TUT4: variants seen among roughly 807,000 people sequenced by gnomAD.
The protein encoded by TUT4 is terminal uridylyltransferase 4.
Under a neutral mutation model 192.2 loss-of-function variants are expected in TUT4, and 36 were observed. The observed-to-expected ratio is 0.19, with a 90% CI of 0.14 to 0.25. The LOEUF is 0.25. TUT4 is among the 10% of genes least tolerant of loss of function. The probability of loss-of-function intolerance (pLI) is 1.00; values close to 1 mark genes in which losing one functional copy is unlikely to be tolerated. For missense variants in TUT4, 1,493 were observed against 1,957.2 expected (o/e 0.76, Z 4.47); for synonymous variants, 618 against 666.0 (o/e 0.93, Z 1.11).
At position 52,525,717 on chromosome 1, in the gene TUT4, A is replaced by G. The variant is rs1199124098; in HGVS notation, c.564T>C (p.Phe188=). 1 of 1,614,206 alleles carries G rather than the reference A, an allele frequency of 6.2e-7. No individual in the cohort carries two copies. The highest frequency in any genetic ancestry group is 8.5e-7 in the Non-Finnish European group (1 of 1,180,038). The change falls in exon 2 of 30, where the codon TTT becomes TTC. Residue 188 remains phenylalanine, a synonymous_variant. Transcript: ENST00000257177. ...QQIGKKIPSS[F]TSVDKVNIEA... ...CAATATTCACTTTGTCCACAGAAGTAAAGGAGCTTGGAATTTTTTTTCCAA... is the reference window on the plus strand; with the variant it reads ...CAATATTCACTTTGTCCACAGAAGTGAAGGAGCTTGGAATTTTTTTTCCAA...
intron 16 of TUT4, 58 bp downstream of exon 16, chr1:52,465,012 A>C: frequency 7.5e-7 from 1 of 1,336,748 alleles, no homozygotes; most frequent in Non-Finnish European, 1.0e-6. Flanking sequence ...ACAAAAATAA[A>C]CATAGAATCG....
intron 1 of TUT4, among the ~76,000 whole-genome samples, chr1:52,551,961 C>T (rs1689562114): frequency 1.3e-5 from 2 of 152,152 alleles, no homozygotes; most frequent in African/African-American, 4.8e-5. Flanking sequence ...TAAATGCATG[C>T]CAACAATACA....
chr1:52,504,400 C>T (rs1033815310), intron 4 of TUT4, among the ~76,000 whole-genome samples: 3 of 152,050 alleles, frequency 2.0e-5, no homozygotes, highest in Non-Finnish European at 4.4e-5. Context: ...GGGAGGCTGA[C>T]GCGGGTGGAT....
intron 25 of TUT4, 73 bp downstream of exon 25, chr1:52,438,147 G>C: frequency 8.4e-7 from 1 of 1,192,516 alleles, no homozygotes; most frequent in Non-Finnish European, 1.2e-6. Context: ...AAACATTTCT[G>C]AACATAATTA....
intron 2 of TUT4, among the ~76,000 whole-genome samples, chr1:52,520,371 C>T (rs1679918347): frequency 6.6e-6 from 1 of 152,150 alleles, no homozygotes; most frequent in Non-Finnish European, 1.5e-5. Context: ...ATACTGAAAA[C>T]ACAATGAAGG....
Position 52,423,932 on chromosome 1 carries a change from G to A in TUT4, c.*3C>T, listed in dbSNP as rs201233063. 104 of 1,612,714 alleles carry A rather than the reference G, an allele frequency of 6.4e-5. No homozygotes were observed. The Middle Eastern group carries it at 9.9e-4, about 15-fold the overall frequency. On this transcript the variant is annotated 3_prime_UTR_variant, in exon 30 of 30. Transcript: ENST00000257177. The stretch of plus-strand genomic sequence containing the variant: ...AGACCAGCTGAAAGAAAATGGACTC[G>A]CATTACTCCGACACGTTTCCTCTTG...
At chr1:52,503,091 A>C (rs1025184292) in intron 4 of TUT4, among the ~76,000 whole-genome samples, 1 of 152,228 alleles carries the variant, frequency 6.6e-6, no homozygotes, top group African/African-American at 2.4e-5. Context: ...ATACATAAGA[A>C]TACTGAGGCT....
At position 52,435,897 on chromosome 1, in the gene TUT4, C is replaced by CT. The variant is rs559072842; in HGVS notation, c.4163-433dup. ...GCACTGCAGCCTGGGCAACAAGAGT[C>CT]TGTCTCTCTCTATGTCTCTCTCTCT... On this transcript the variant is annotated intron_variant, in intron 26 of 29. Coordinates refer to ENST00000257177, the MANE Select transcript of TUT4 (RefSeq NM_001009881.3). Among the ~76,000 whole-genome samples, 841 of 151,990 alleles carry CT rather than the reference C, an allele frequency of 5.5e-3. 1 individual carries two copies. Among genetic ancestry groups the CT allele is most frequent in the Middle Eastern group, 0.014 (4 of 294 alleles).
At chr1:52,454,762 T>A (rs1165487793) in intron 20 of TUT4, among the ~76,000 whole-genome samples, 1 of 152,036 alleles carries the variant, frequency 6.6e-6, no homozygotes, top group Non-Finnish European at 1.5e-5. Context: ...AAAGACAACG[T>A]CAAGGGAATG....
chr1:52,527,465 G>A (rs1682112097), intron 1 of TUT4, among the ~76,000 whole-genome samples: 1 of 151,874 alleles, frequency 6.6e-6, no homozygotes, highest in South Asian at 2.1e-4. Context: ...AGAATTGCTT[G>A]AACCGGGACC....
intron 1 of TUT4, among the ~76,000 whole-genome samples, chr1:52,544,842 A>C (rs1307331024): frequency 1.3e-5 from 2 of 151,996 alleles, no homozygotes; most frequent in African/African-American, 4.8e-5. Flanking sequence ...GGATCACTTG[A>C]GGTCAGGAGT....
rs1663753097 is a variant in TUT4, at chr1:52,465,163, C to T, written c.2976G>A (p.Arg992=). 6.2e-7 allele frequency: 1 copy of T among 1,613,046 alleles called. No individual in the cohort carries two copies. Among genetic ancestry groups the T allele is most frequent in the African/African-American group, 1.3e-5 (1 of 74,928 alleles). Residue 992 remains arginine (R), a synonymous_variant, in exon 16 of 30, where the codon AGG becomes AGA. Coordinates refer to ENST00000257177, the MANE Select transcript of TUT4 (RefSeq NM_001009881.3). ...FIQKEYDEKA[R]LCLFGSSKNG... ...TCTTAGAAGAGCCAAATAAGCACAA[C>T]CTTGCCTTTTCTAAGCAAAGGAAAA... is the stretch of plus-strand genomic sequence containing the variant.
intron 28 of TUT4, 81 bp downstream of exon 28, chr1:52,430,932 C>A: frequency 6.9e-7 from 1 of 1,452,198 alleles, no homozygotes; most frequent in Non-Finnish European, 9.3e-7. Context: ...TGCTTTCCTT[C>A]TTTTTCCTCA....
chr1:52,471,537 C>T (rs747215670), intron 14 of TUT4, among the ~76,000 whole-genome samples: 3 of 152,184 alleles, frequency 2.0e-5, no homozygotes, highest in Non-Finnish European at 2.9e-5. Flanking sequence ...TCCAAGAACG[C>T]TGCAGTGATG....
intron 3 of TUT4, among the ~76,000 whole-genome samples, chr1:52,513,393 C>CAAAAAAAAAA (rs554170439): frequency 0.013 from 557 of 42,050 alleles, 63 homozygotes; most frequent in African/African-American, 0.056. Context: ...GACCCTGTCT[C>CAAAAAAAAAA]AAAAAAAAAA....
intron 20 of TUT4, among the ~76,000 whole-genome samples, chr1:52,458,120 G>T (rs1289584392): frequency 6.6e-6 from 1 of 152,046 alleles, no homozygotes; most frequent in African/African-American, 2.4e-5. Flanking sequence ...ATATTCAATG[G>T]TTCTATTCAT....
At chr1:52,508,972 T>C (rs1449889116) in intron 4 of TUT4, among the ~76,000 whole-genome samples, 1 of 152,222 alleles carries the variant, frequency 6.6e-6, no homozygotes, top group Non-Finnish European at 1.5e-5. Flanking sequence ...CAGCTCTCTT[T>C]GTTCCAATCA....
At chr1:52,515,826 G>A in intron 3 of TUT4, 65 bp downstream of exon 3, 1 of 1,586,898 alleles carries the variant, frequency 6.3e-7, no homozygotes, top group African/African-American at 1.3e-5. Flanking sequence ...AAAAAAAGCT[G>A]TACTTGGGGA....
At chr1:52,496,155 G>T (rs2149142087) in intron 5 of TUT4, among the ~76,000 whole-genome samples, 1 of 152,194 alleles carries the variant, frequency 6.6e-6, no homozygotes, top group Admixed American at 6.5e-5. Context: ...GACAGATCAA[G>T]AAGATTTAGT....
Sources: gnomAD v4.1 joint callset for allele counts (sites outside exome capture counted in the v4.1 genomes callset) on GRCh38, gnomAD v4.1.1 for gene constraint, MANE v1.5 for transcripts, NCBI Gene and HGNC (gene_info 2026-07-23, HGNC 2026-07-21) for gene names.